The following CCDC149 variants were observed in gnomAD, a reference collection of about 807,000 sequenced individuals.
CCDC149 encodes coiled-coil domain-containing protein 149.
In CCDC149, 45 loss-of-function variants were observed where a neutral mutation model predicts 59.9. The observed-to-expected ratio is 0.75, with a 90% CI of 0.59 to 0.96. The LOEUF is 0.96. Among genes scored for constraint, CCDC149 ranks in the 40% least tolerant of loss-of-function variants. CCDC149 has a pLI of 0.00. For missense variants in CCDC149, 584 were observed against 664.7 expected (o/e 0.88, Z 1.33); for synonymous variants, 245 against 260.6 (o/e 0.94, Z 0.58).
intron 3 of CCDC149, among the ~76,000 whole-genome samples, chr4:24,857,886 A>G (rs1718123342): frequency 6.6e-6 from 1 of 152,160 alleles, no homozygotes; most frequent in Non-Finnish European, 1.5e-5. Context: ...TTTACCTTTA[A>G]CAGGCTAGAT....
At position 24,912,852 on chromosome 4, in the gene CCDC149, G is replaced by T; in HGVS notation, c.28C>A (p.Arg10=). 2 of 1,379,252 alleles carry T rather than the reference G, an allele frequency of 1.5e-6. No individual in the cohort carries two copies. The highest frequency in any genetic ancestry group is 1.9e-6 in the Non-Finnish European group (2 of 1,052,136). 85.4% of individuals were successfully genotyped at this position (1,379,252 alleles called of 1,614,324 possible). ...AGCCCCTGCCAGTCGCTCTCAGTCC[G>T]GTCGCCGTTCATGGCCTCCTCCTCC... Residue 10 remains arginine (R), a synonymous_variant, in exon 1 of 13, where the codon CGG becomes AGG. Transcript: ENST00000635206.
chr4:24,976,123 T>G (rs2109372769), intron 1 of CCDC149, among the ~76,000 whole-genome samples: 1 of 152,298 alleles, frequency 6.6e-6, no homozygotes, highest in African/African-American at 2.4e-5. Context: ...CTACTTTAGA[T>G]TTTTCAGTTA....
chr4:24,832,909 G>C (rs1716250906), intron 8 of CCDC149, among the ~76,000 whole-genome samples: 1 of 152,076 alleles, frequency 6.6e-6, no homozygotes, highest in East Asian at 1.9e-4. Flanking sequence ...AGTTATGCTT[G>C]GCTGGGCTTG....
chr4:24,944,175 A>G (rs986119202), intron 1 of CCDC149, among the ~76,000 whole-genome samples: 1 of 152,252 alleles, frequency 6.6e-6, no homozygotes, highest in African/African-American at 2.4e-5. Flanking sequence ...GATAGACTGG[A>G]TTAAGAAAAT....
At chr4:24,833,529 C>A (rs1716301723) in intron 8 of CCDC149, among the ~76,000 whole-genome samples, 1 of 152,086 alleles carries the variant, frequency 6.6e-6, no homozygotes, top group Non-Finnish European at 1.5e-5. Flanking sequence ...GAAGCTGAGG[C>A]AGGAGAATCG....
Position 24,964,192 on chromosome 4 carries a change from T to TAAAA in CCDC149, c.-65+15873_-65+15876dup, listed in dbSNP as rs377278394. 1.4e-3 allele frequency among the ~76,000 whole-genome samples: 162 copies of TAAAA among 119,182 alleles called. 5 individuals are homozygous for TAAAA. In the South Asian group the frequency reaches 0.037, roughly 27 times the overall value. 78.2% of individuals were successfully genotyped at this position (119,182 alleles called of 152,430 possible). Reference sequence around the variant, plus strand: ...CTGGGCAACAGAGTGAGACCCTATCTAAAAAAAAAAAAAAAAAAAGAGCCA... The same window carrying TAAAA: ...CTGGGCAACAGAGTGAGACCCTATCTAAAAAAAAAAAAAAAAAAAAAAAGAGCCA... On this transcript the variant is annotated intron_variant, in intron 1 of 12. Coordinates refer to the CCDC149 transcript ENST00000389609.
At chr4:24,938,793 A>C (rs1453474860) in intron 1 of CCDC149, among the ~76,000 whole-genome samples, 1 of 152,176 alleles carries the variant, frequency 6.6e-6, no homozygotes, top group Non-Finnish European at 1.5e-5. Flanking sequence ...AGCCTCACTC[A>C]TTGTTAGCAC....
intron 1 of CCDC149, among the ~76,000 whole-genome samples, chr4:24,884,190 G>C (rs959117220): frequency 6.6e-6 from 1 of 152,152 alleles, no homozygotes; most frequent in African/African-American, 2.4e-5. Flanking sequence ...CATGTACAAC[G>C]GTGGTCCCGT....
At chr4:24,924,919 C>T (rs1722397009) in intron 1 of CCDC149, among the ~76,000 whole-genome samples, 1 of 152,198 alleles carries the variant, frequency 6.6e-6, no homozygotes, top group African/African-American at 2.4e-5. Flanking sequence ...ACAGTGGCCA[C>T]ATCCACTGGC....
At chr4:24,972,293 T>TTTTCTTTTCTTTTCA in intron 1 of CCDC149, among the ~76,000 whole-genome samples, 1 of 147,422 alleles carries the variant, frequency 6.8e-6, no homozygotes, top group African/African-American at 2.6e-5. Context: ...GACCTTTTTC[T>TTTTCTTTTCTTTTCA]TTTCTTTTCT....
chr4:24,815,507 C>T (rs1410940609), intron 12 of CCDC149, among the ~76,000 whole-genome samples: 1 of 152,182 alleles, frequency 6.6e-6, no homozygotes, highest in Non-Finnish European at 1.5e-5. Flanking sequence ...GAGACGAGTA[C>T]ACTCCTTCTG....
intron 4 of CCDC149, among the ~76,000 whole-genome samples, chr4:24,841,471 A>T (rs894036658): frequency 2.6e-5 from 4 of 152,260 alleles, no homozygotes; most frequent in Admixed American, 2.0e-4. Context: ...TTTAATGTGC[A>T]TACAATATCG....
chr4:24,909,769 GCTCT>G (rs1179625922), intron 1 of CCDC149, among the ~76,000 whole-genome samples: 1 of 152,148 alleles, frequency 6.6e-6, no homozygotes, highest in African/African-American at 2.4e-5. Context: ...TCCTGCAGAA[GCTCT>G]CTCTCTTTGC....
chr4:24,931,046 C>A (rs1400953927), intron 1 of CCDC149, among the ~76,000 whole-genome samples: 3 of 151,884 alleles, frequency 2.0e-5, no homozygotes, highest in African/African-American at 7.3e-5. Flanking sequence ...AGTCTAAACT[C>A]TTTTGTCTGG....
intron 1 of CCDC149, among the ~76,000 whole-genome samples, chr4:24,963,087 C>A (rs1310786335): frequency 6.6e-6 from 1 of 152,046 alleles, no homozygotes; most frequent in Admixed American, 6.5e-5. Flanking sequence ...TTACTCCAGC[C>A]AAATATCAAT....
At chr4:24,927,837 A>G (rs1722469635) in intron 1 of CCDC149, among the ~76,000 whole-genome samples, 1 of 152,004 alleles carries the variant, frequency 6.6e-6, no homozygotes, top group South Asian at 2.1e-4. Flanking sequence ...TTAGATCTTT[A>G]CAGGGGATAT....
chr4:24,871,386 G>T (rs1472181526), intron 3 of CCDC149, among the ~76,000 whole-genome samples: 1 of 152,170 alleles, frequency 6.6e-6, no homozygotes, highest in Non-Finnish European at 1.5e-5. Flanking sequence ...CGACAGCTGG[G>T]AAGAGAGCAA....
rs572448115 is a variant in CCDC149, at chr4:24,844,363, T to G, written c.373-6091A>C. On this transcript the variant is annotated intron_variant, in intron 4 of 12. Transcript: ENST00000635206. ...ACTCTCAGAGGCAGACATTGTCATC[T>G]CCTCTTTACAGTAGCGAGAACCCCC... Among the ~76,000 whole-genome samples the G allele has an allele frequency of 4.6e-5, 7 of 152,164 alleles. No homozygotes were observed. In the South Asian group the frequency reaches 1.4e-3, roughly 32 times the overall value.
intron 1 of CCDC149, among the ~76,000 whole-genome samples, chr4:24,880,987 G>A (rs1719807700): frequency 6.6e-6 from 1 of 152,176 alleles, no homozygotes; most frequent in Non-Finnish European, 1.5e-5. Context: ...AGAAAGCACG[G>A]GGTAAGGGCT....
Sources: gnomAD v4.1 joint callset for allele counts (sites outside exome capture counted in the v4.1 genomes callset) on GRCh38, gnomAD v4.1.1 for gene constraint, MANE v1.5 for transcripts, NCBI Gene and HGNC (gene_info 2026-07-23, HGNC 2026-07-21) for gene names.